PACRGL: variants seen among roughly 807,000 people sequenced by gnomAD.
The protein encoded by PACRGL is parkin coregulated like, also known as PACRG-like protein.
A neutral mutation model predicts 34.5 loss-of-function variants in PACRGL; 38 were observed. That is an observed-to-expected ratio of 1.10 (90% CI 0.85 to 1.44). PACRGL has a LOEUF of 1.44. Ranked by LOEUF, PACRGL falls within the 40% of genes most tolerant of loss-of-function variation. The probability of loss-of-function intolerance (pLI) is 0.00; values close to 1 mark genes in which losing one functional copy is unlikely to be tolerated. For synonymous variants in PACRGL, 128 were observed against 100.1 expected (o/e 1.28, Z -1.66); for missense variants, 305 against 281.4 (o/e 1.08, Z -0.60).
At chr4:20,732,748 A>T, downstream of PACRGL, 5 of 1,611,816 alleles carry the variant, frequency 3.1e-6, no homozygotes, top group Non-Finnish European at 4.2e-6. Context: ...ACATTTACCC[A>T]TCATATCGTA....
At chr4:20,732,914 C>CA, downstream of PACRGL, 1 of 601,380 alleles carries the variant, frequency 1.7e-6, no homozygotes, top group South Asian at 2.1e-5. Context: ...CTTTGTTAGA[C>CA]GACTGTTGGT....
chr4:20,704,575 C>T (rs1023969976), intron 2 of PACRGL, 42 bp downstream of exon 2: 1 of 1,613,020 alleles, frequency 6.2e-7, no homozygotes, highest in South Asian at 1.1e-5. Context: ...CAAGTTTGTT[C>T]ATGGCACTTT....
At chr4:20,744,675 T>A (rs548558796) in intron 8 of PACRGL, among the ~76,000 whole-genome samples, 2 of 152,082 alleles carry the variant, frequency 1.3e-5, no homozygotes, top group Admixed American at 1.3e-4. Flanking sequence ...GTAAATGACG[T>A]GTTAATGGGT....
intron 7 of PACRGL, among the ~76,000 whole-genome samples, chr4:20,718,279 G>C (rs192368535): frequency 1.3e-5 from 2 of 152,254 alleles, no homozygotes; most frequent in Admixed American, 1.3e-4. Context: ...TCTGCAAACG[G>C]GGACAATTTG....
chr4:20,757,517 C>T (rs928130014), downstream of PACRGL, among the ~76,000 whole-genome samples: 2 of 152,092 alleles, frequency 1.3e-5, no homozygotes, highest in African/African-American at 2.4e-5. Flanking sequence ...ATTTCACCCT[C>T]CATTGTACAC....
At position 20,712,832 on chromosome 4, in the gene PACRGL, G is replaced by C. The variant is rs1160047703; in HGVS notation, c.411G>C (p.Glu137Asp). 1.1e-5 allele frequency: 17 copies of C among 1,597,624 alleles called. No individual in the cohort carries two copies. The highest frequency in any genetic ancestry group is 1.5e-5 in the Non-Finnish European group (17 of 1,170,376). ...ATCCATACACTTTTGTGTCAAAGGAGGGTTTTAGAGAATTACTTTTGGTCA... is the reference window on the plus strand; with the variant it reads ...ATCCATACACTTTTGTGTCAAAGGACGGTTTTAGAGAATTACTTTTGGTCA... The part of the protein sequence containing the change: ...TKHPYTFVSK[E>D]GFRELLLVKG... The change falls in exon 6 of 9, where the codon GAG becomes GAC. Residue 137 changes from glutamate (E) to aspartate (D), a missense_variant. Coordinates refer to ENST00000503585, the MANE Select transcript of PACRGL (RefSeq NM_001258345.3).
At chr4:20,703,851 A>C (rs934120468) in intron 1 of PACRGL, among the ~76,000 whole-genome samples, 1 of 152,170 alleles carries the variant, frequency 6.6e-6, no homozygotes, top group Non-Finnish European at 1.5e-5. Flanking sequence ...CACGTGTAGC[A>C]TTGAGTGTAG....
chr4:20,700,089 T>A (rs1266130547), upstream of PACRGL, among the ~76,000 whole-genome samples: 1 of 152,146 alleles, frequency 6.6e-6, no homozygotes, highest in Non-Finnish European at 1.5e-5. Context: ...GTTCACAGTC[T>A]TCAGTTCTCC....
At position 20,731,235 on chromosome 4, in the gene PACRGL, A is replaced by C; in HGVS notation, c.*3894A>C. On this transcript the variant is annotated 3_prime_UTR_variant, in exon 9 of 9. Transcript: ENST00000503585. ...CAGCCACGTGCCACCGTGCCCAGCT[A>C]ACTTAATTTTTTTTTGTAGAGATAG... The C allele has an allele frequency of 4.2e-6, 1 of 240,830 alleles. No individual in the cohort carries two copies. The highest frequency in any genetic ancestry group is 6.7e-6 in the Non-Finnish European group (1 of 149,470). 14.9% of individuals were successfully genotyped at this position (240,830 alleles called of 1,614,324 possible).
chr4:20,734,700 C>A (rs1396194006), downstream of PACRGL: 78 of 1,594,100 alleles, frequency 4.9e-5, 1 homozygote, highest in Non-Finnish European at 6.3e-5. Context: ...CTTGTACTGT[C>A]CCCCGGAGCA....
At chr4:20,743,234 A>G (rs936574296) in intron 8 of PACRGL, among the ~76,000 whole-genome samples, 6 of 152,162 alleles carry the variant, frequency 3.9e-5, no homozygotes, top group Non-Finnish European at 2.9e-5. Context: ...CCATCAAGCT[A>G]CCAATGACTT....
the PACRGL span, among the ~76,000 whole-genome samples, chr4:20,759,384 C>T: frequency 6.6e-6 from 1 of 152,138 alleles, no homozygotes; most frequent in East Asian, 1.9e-4. Flanking sequence ...AACAGGATGT[C>T]TAGGCATACC....
At chr4:20,702,242 TG>T in intron 1 of PACRGL, 1 of 456,308 alleles carries the variant, frequency 2.2e-6, no homozygotes, top group South Asian at 1.6e-5. Flanking sequence ...TTGAAAAATG[TG>T]CATCATAATT....
At chr4:20,752,028 TAAC>T (rs1315368755) in intron 8 of PACRGL, among the ~76,000 whole-genome samples, 2 of 150,108 alleles carry the variant, frequency 1.3e-5, no homozygotes, top group Non-Finnish European at 3.0e-5. Flanking sequence ...TACAAAATGA[TAAC>T]AATATCAGTA....
rs369197815 is a variant in PACRGL, at chr4:20,727,381, C to T, written c.*40C>T. On this transcript the variant is annotated 3_prime_UTR_variant, in exon 9 of 9. Coordinates refer to ENST00000503585, the MANE Select transcript of PACRGL (RefSeq NM_001258345.3). ...AAAAATTGTTTTTTCTACCTGTTGA[C>T]GTGTCAAGCACTAACTGTGGGTACT... 2.6e-4 allele frequency: 385 copies of T among 1,501,324 alleles called. 6 individuals are homozygous for T. In the South Asian group the frequency reaches 3.5e-3, roughly 14 times the overall value. The allele number at this position is 1,501,324 out of a possible 1,614,324, so 93.0% of individuals were successfully genotyped here.
rs929835262 is a variant in PACRGL at position 20,731,864 on chromosome 4, A to T, written c.*4523A>T. 13 of 1,424,096 alleles carry T rather than the reference A, an allele frequency of 9.1e-6. No individual in the cohort carries two copies. The highest frequency in any genetic ancestry group is 1.2e-5 in the Non-Finnish European group (13 of 1,088,448). The allele number at this position is 1,424,096 out of a possible 1,614,324, so 88.2% of individuals were successfully genotyped here. A position where few individuals can be genotyped will look rare whatever the true frequency, so the allele number is the denominator to read the frequency against. ...AATTGGTGCTTGTTTTCAGAGTGGTAGGCTTATGCTGCATGTTGTAGAAGT... is the reference window on the plus strand; with the variant it reads ...AATTGGTGCTTGTTTTCAGAGTGGTTGGCTTATGCTGCATGTTGTAGAAGT... On this transcript the variant is annotated 3_prime_UTR_variant, in exon 9 of 9. Transcript: ENST00000503585.
At chr4:20,707,515 A>G (rs1302194304) in intron 3 of PACRGL, among the ~76,000 whole-genome samples, 1 of 152,236 alleles carries the variant, frequency 6.6e-6, no homozygotes, top group Non-Finnish European at 1.5e-5. Flanking sequence ...CCTTCTCCAT[A>G]GAGTCCTCAC....
intron 6 of PACRGL, 88 bp from the exon 7 acceptor site, chr4:20,713,344 G>T: frequency 1.1e-6 from 1 of 923,678 alleles, no homozygotes. Context: ...TTCTCTACTT[G>T]CTTGCCCTTT....
In PACRGL at chr4:20,748,154, C is replaced by T. The variant is rs1429844343; in HGVS notation, c.*57-4411C>T. Among the ~76,000 whole-genome samples, 9 of 152,156 alleles carry T rather than the reference C, an allele frequency of 5.9e-5. No individual in the cohort carries two copies. The East Asian group carries it at 1.4e-3, about 23-fold the overall frequency. On this transcript the variant is annotated intron_variant, in intron 8 of 8. Coordinates refer to the PACRGL transcript ENST00000507634. ...TTCTACAAAGGCTCCTCATCTCCTACAAGATAGTCCAATCTCCTGCCTAAG... is the reference window on the plus strand; with the variant it reads ...TTCTACAAAGGCTCCTCATCTCCTATAAGATAGTCCAATCTCCTGCCTAAG...
Sources: gnomAD v4.1 joint callset for allele counts (sites outside exome capture counted in the v4.1 genomes callset) on GRCh38, gnomAD v4.1.1 for gene constraint, MANE v1.5 for transcripts, NCBI Gene and HGNC (gene_info 2026-07-23, HGNC 2026-07-21) for gene names.